EPHA6: variants seen among roughly 807,000 people sequenced by gnomAD.
The protein encoded by EPHA6 is ephrin type-A receptor 6.
EPHA6 carries 50 observed loss-of-function variants against 112.0 expected under a neutral mutation model. That is an observed-to-expected ratio of 0.45 (90% confidence interval 0.36 to 0.56). The LOEUF is 0.56. Ranked by LOEUF, EPHA6 falls within the 20% of genes least tolerant of loss-of-function variation. The pLI, the probability that EPHA6 is intolerant of heterozygous loss-of-function variation, is 0.00. For missense variants in EPHA6, 1,280 were observed against 1,417.4 expected (o/e 0.90, Z 1.56); for synonymous variants, 529 against 490.7 (o/e 1.08, Z -1.03).
intron 3 of EPHA6, among the ~76,000 whole-genome samples, chr3:97,036,725 A>G (rs1312060220): frequency 6.6e-6 from 1 of 152,026 alleles, no homozygotes; most frequent in East Asian, 1.9e-4. Context: ...ATTTACTTTC[A>G]TCACCATAAA....
intron 3 of EPHA6, among the ~76,000 whole-genome samples, chr3:97,150,414 A>C (rs577892303): frequency 6.6e-6 from 1 of 152,148 alleles, no homozygotes; most frequent in African/African-American, 2.4e-5. Context: ...ACAGTACAGT[A>C]AAATAAAATC....
intron 2 of EPHA6, among the ~76,000 whole-genome samples, chr3:96,932,016 A>G (rs1003429718): frequency 1.3e-5 from 2 of 151,910 alleles, no homozygotes; most frequent in African/African-American, 4.8e-5. Flanking sequence ...TCATGAGGGG[A>G]TATCCTGATC....
intron 7 of EPHA6, among the ~76,000 whole-genome samples, chr3:97,451,064 G>A (rs1372715246): frequency 1.3e-5 from 2 of 151,872 alleles, no homozygotes; most frequent in African/African-American, 2.4e-5. Flanking sequence ...CAAATAACTT[G>A]GTGTGGCTGT....
At chr3:97,692,921 G>C (rs1458602530) in intron 14 of EPHA6, among the ~76,000 whole-genome samples, 1 of 152,104 alleles carries the variant, frequency 6.6e-6, no homozygotes. Flanking sequence ...ATTAAGGAGA[G>C]CATTATGAGC....
intron 2 of EPHA6, among the ~76,000 whole-genome samples, chr3:96,869,837 C>T (rs2036536737): frequency 6.6e-6 from 1 of 151,978 alleles, no homozygotes; most frequent in African/African-American, 2.4e-5. Flanking sequence ...AACAAAAGTG[C>T]TGTTGGATGT....
At chr3:96,867,453 G>A (rs1009220888) in intron 2 of EPHA6, among the ~76,000 whole-genome samples, 8 of 151,724 alleles carry the variant, frequency 5.3e-5, no homozygotes, top group Admixed American at 2.6e-4. Context: ...CAACATTTTA[G>A]CTATGGTTGT....
intron 2 of EPHA6, among the ~76,000 whole-genome samples, chr3:96,941,584 T>G (rs1321459168): frequency 6.6e-6 from 1 of 152,242 alleles, no homozygotes; most frequent in South Asian, 2.1e-4. Flanking sequence ...GTCTGAAGCC[T>G]TCTTCTCTCA....
chr3:96,965,261 T>C (rs1339201546), intron 2 of EPHA6, among the ~76,000 whole-genome samples: 2 of 152,092 alleles, frequency 1.3e-5, no homozygotes, highest in African/African-American at 4.8e-5. Flanking sequence ...AATATAGAAG[T>C]AAGGTGTTTT....
At chr3:97,573,147 A>G (rs2093350930) in intron 11 of EPHA6, among the ~76,000 whole-genome samples, 1 of 152,206 alleles carries the variant, frequency 6.6e-6, no homozygotes. Flanking sequence ...TTTGGTAACA[A>G]CTGTGTCTGC....
intron 5 of EPHA6, 175 bp downstream of exon 5, chr3:97,244,462 A>G (rs1388321625): frequency 1.7e-6 from 1 of 595,702 alleles, no homozygotes. Flanking sequence ...AGATATTTTT[A>G]TATTACTTCT....
rs1157407829 is a variant in EPHA6 at position 97,646,257 on chromosome 3, G to A, written c.2784+8175G>A. On this transcript the variant is annotated intron_variant, in intron 14 of 17. Transcript: ENST00000389672. Reference sequence around the variant, plus strand: ...GTGGAAGAGAAACAGAAGGGCCATGGGAGCCAGTGGCCAGACCAGAAAGCA... The same window carrying A: ...GTGGAAGAGAAACAGAAGGGCCATGAGAGCCAGTGGCCAGACCAGAAAGCA... 5 of 1,534,884 alleles carry A rather than the reference G, an allele frequency of 3.3e-6. No individual in the cohort carries two copies. In the South Asian group the frequency reaches 6.0e-5, roughly 18 times the overall value.
intron 10 of EPHA6, among the ~76,000 whole-genome samples, chr3:97,525,363 A>G (rs1214983106): frequency 6.6e-6 from 1 of 151,988 alleles, no homozygotes; most frequent in Non-Finnish European, 1.5e-5. Flanking sequence ...TCTATATTTT[A>G]TCAAACTTCT....
chr3:97,387,469 G>A (rs1256314747), intron 5 of EPHA6, among the ~76,000 whole-genome samples: 1 of 152,090 alleles, frequency 6.6e-6, no homozygotes, highest in Non-Finnish European at 1.5e-5. Context: ...TAGAGCTGGG[G>A]CACAATGCTG....
chr3:97,653,117 G>C (rs1361486984), intron 14 of EPHA6, among the ~76,000 whole-genome samples: 1 of 151,642 alleles, frequency 6.6e-6, no homozygotes, highest in African/African-American at 2.4e-5. Flanking sequence ...TAGGTAGTGG[G>C]GATAAAAGTG....
chr3:97,480,074 TTATC>T (rs1434734333), intron 9 of EPHA6, among the ~76,000 whole-genome samples: 1 of 152,200 alleles, frequency 6.6e-6, no homozygotes, highest in Non-Finnish European at 1.5e-5. Context: ...CTTAACTGTT[TTATC>T]TTTTATTTCA....
rs548694821 is a variant in EPHA6 at position 97,415,047 on chromosome 3, C to T, written c.1731+9773C>T. Among the ~76,000 whole-genome samples the T allele has an allele frequency of 7.2e-5, 11 of 151,998 alleles. No homozygotes were observed. In the East Asian group the frequency reaches 1.9e-3, roughly 27 times the overall value. ...AAACAGAGTAACCTAGGTGGCTTTG[C>T]TCGAAAAAGGTAACTCAGAGTCCTC... On this transcript the variant is annotated intron_variant, in intron 6 of 17. Coordinates refer to ENST00000389672, the MANE Select transcript of EPHA6 (RefSeq NM_001080448.3).
chr3:97,094,110 C>T (rs1309852951), intron 3 of EPHA6, among the ~76,000 whole-genome samples: 3 of 152,120 alleles, frequency 2.0e-5, no homozygotes, highest in African/African-American at 7.2e-5. Flanking sequence ...TGCTATGTAG[C>T]GTCAAAGTCA....
intron 11 of EPHA6, among the ~76,000 whole-genome samples, chr3:97,583,983 A>T (rs1406835605): frequency 2.6e-5 from 4 of 152,150 alleles, no homozygotes; most frequent in Non-Finnish European, 5.9e-5. Context: ...AAGTTTTGGA[A>T]ATTTAGTCTG....
intron 14 of EPHA6, among the ~76,000 whole-genome samples, chr3:97,655,504 C>T (rs2094132712): frequency 6.6e-6 from 1 of 151,890 alleles, no homozygotes; most frequent in South Asian, 2.1e-4. Context: ...ATATGTGCCA[C>T]ATTTTCTTAA....
Sources: gnomAD v4.1 joint callset for allele counts (sites outside exome capture counted in the v4.1 genomes callset) on GRCh38, gnomAD v4.1.1 for gene constraint, MANE v1.5 for transcripts, NCBI Gene and HGNC (gene_info 2026-07-23, HGNC 2026-07-21) for gene names.